Variants in BICRAL observed in about 807,000 individuals in gnomAD.
BICRAL encodes the protein BICRA like chromatin remodeling complex associated protein, also known as BRD4-interacting chromatin-remodeling complex-associated protein-like.
In BICRAL, 8 loss-of-function variants were observed where a neutral mutation model predicts 91.8. That is an observed-to-expected ratio of 0.09 (90% CI 0.05 to 0.16). The LOEUF is 0.16. Ranked by LOEUF, BICRAL falls within the 10% of genes least tolerant of loss-of-function variation. The pLI is 1.00. For missense variants in BICRAL, 1,038 were observed against 1,310.9 expected, an observed-to-expected ratio of 0.79 and a Z score of 3.21; for synonymous variants, 445 against 491.1, an observed-to-expected ratio of 0.91 and a Z score of 1.24.
chr6:42,864,357 A>G (rs1425431561), intron 12 of BICRAL, among the ~76,000 whole-genome samples: 1 of 152,112 alleles, frequency 6.6e-6, no homozygotes, highest in Non-Finnish European at 1.5e-5. Context: ...ATAAAATGAT[A>G]CTTAGAGATC....
At chr6:42,766,774 C>T (rs1762638758) in intron 1 of BICRAL, among the ~76,000 whole-genome samples, 1 of 151,976 alleles carries the variant, frequency 6.6e-6, no homozygotes, top group South Asian at 2.1e-4. Flanking sequence ...GGTGCCGTGG[C>T]TCACACCTGT....
intron 1 of BICRAL, among the ~76,000 whole-genome samples, chr6:42,790,954 T>A (rs1282878645): frequency 2.6e-5 from 4 of 151,690 alleles, no homozygotes; most frequent in Admixed American, 2.6e-4. Flanking sequence ...GGGTGTGGAT[T>A]TTAAAAGGAA....
At chr6:42,818,521 CTT>C (rs1472720642) in intron 2 of BICRAL, among the ~76,000 whole-genome samples, 1 of 151,930 alleles carries the variant, frequency 6.6e-6, no homozygotes, top group Admixed American at 6.6e-5. Flanking sequence ...TTGTTTTAGT[CTT>C]TGACTTTGCT....
intron 6 of BICRAL, among the ~76,000 whole-genome samples, chr6:42,843,917 G>A (rs1169322943): frequency 6.7e-6 from 1 of 149,166 alleles, no homozygotes; most frequent in Non-Finnish European, 1.5e-5. Context: ...TCCTGCCTCA[G>A]CCTCCTGAGT....
At chr6:42,773,136 T>C (rs1762759900) in intron 1 of BICRAL, among the ~76,000 whole-genome samples, 1 of 151,168 alleles carries the variant, frequency 6.6e-6, no homozygotes. Context: ...TGGAGTGCAA[T>C]GGCACGATCT....
chr6:42,790,558 CTT>C (rs1425434027), intron 1 of BICRAL, among the ~76,000 whole-genome samples: 3 of 149,596 alleles, frequency 2.0e-5, no homozygotes, highest in Admixed American at 6.7e-5. Flanking sequence ...TTTCTTTCCT[CTT>C]TGAGTCTGCT....
chr6:42,852,471 G>C (rs537996587), intron 7 of BICRAL: 1 of 550,390 alleles, frequency 1.8e-6, no homozygotes, highest in Non-Finnish European at 3.5e-6. Flanking sequence ...AGACCAGCCC[G>C]ACCAACATGA....
At position 42,868,056 on chromosome 6, in the gene BICRAL, AC is replaced by A. The variant is rs1393400157; in HGVS notation, c.*2611del. 1 of 150,068 alleles carries A rather than the reference AC, an allele frequency of 6.7e-6. No homozygotes were observed. The highest frequency in any genetic ancestry group is 1.5e-5 in the Non-Finnish European group (1 of 67,720). 9.3% of individuals were successfully genotyped at this position (150,068 alleles called of 1,614,324 possible). A position where few individuals can be genotyped will look rare whatever the true frequency, so the allele number is the denominator to read the frequency against. On this transcript the variant is annotated 3_prime_UTR_variant, in exon 13 of 13. Transcript: ENST00000314073. ...GTTTTAGAACTATTTGTACTCAGTA[AC>A]AAAAATCATTTTCTTTTTTTTTTTT...
chr6:42,829,142 G>A lies in BICRAL; in HGVS notation c.809G>A (p.Ser270Asn). The change falls in exon 6 of 13, where the codon AGT becomes AAT. Residue 270 changes from serine (S) to asparagine (N), a missense_variant. Transcript: ENST00000314073. ...GGCAACTCCTTGTTTGGGAACTCTA[G>A]TTCCAGTCCAGTAGCACAGCCTGTT... ...PNGNSLFGNS[S>N]SSPVAQPVTV... The A allele has an allele frequency of 6.2e-7, 1 of 1,614,102 alleles. No homozygotes were observed. Among genetic ancestry groups the A allele is most frequent in the Non-Finnish European group, 8.5e-7 (1 of 1,179,990 alleles).
rs1206542636 is a variant in BICRAL, at chr6:42,829,360, T to C, written c.1027T>C (p.Ser343Pro). The C allele has an allele frequency of 3.1e-6, 5 of 1,614,214 alleles. No homozygotes were observed. In the South Asian group the frequency reaches 4.4e-5, roughly 14 times the overall value. ...IQQHHVQQGI[S>P]FASASSPQGS... is the part of the protein sequence containing the mutation. ...GCAGCACCACGTACAACAAGGGATC[T>C]CTTTTGCTTCTGCAAGCTCACCCCA... The change falls in exon 6 of 13, where the codon TCT (serine) becomes CCT (proline). Residue 343 changes from serine to proline, a missense_variant. Ser to Pro is a moderately conservative substitution (Grantham distance 74, BLOSUM62 -1). Transcript: ENST00000314073.
At position 42,845,195 on chromosome 6, in the gene BICRAL, GTTTTTTTTTTTTTTTTTTTTTTTTTT is replaced by G. The variant is rs748804344; in HGVS notation, c.1840-6869_1840-6844del. ...CTTCTCTGTTTTTTGTTTTTTGGGT[GTTTTTTTTTTTTTTTTTTTTTTTTTT>G]TTTTTTTTTTTTTTTTTTTTTTTTT... On this transcript the variant is annotated intron_variant, in intron 6 of 12. Coordinates refer to ENST00000314073, the MANE Select transcript of BICRAL (RefSeq NM_001393499.1). Among the ~76,000 whole-genome samples the G allele has an allele frequency of 7.0e-3, 178 of 25,592 alleles. 1 individual carries two copies. The highest frequency in any genetic ancestry group is 0.022 in the South Asian group (12 of 556). The allele number at this position is 25,592 out of a possible 152,430, so 16.8% of individuals were successfully genotyped here.
At chr6:42,754,835 G>A (rs1325104500) in intron 1 of BICRAL, among the ~76,000 whole-genome samples, 1 of 152,192 alleles carries the variant, frequency 6.6e-6, no homozygotes, top group African/African-American at 2.4e-5. Context: ...AGTTGGGGCT[G>A]CAGTGAGCCA....
intron 1 of BICRAL, among the ~76,000 whole-genome samples, chr6:42,794,211 G>A (rs147440056): frequency 0.01 from 1,542 of 151,932 alleles, 14 homozygotes; most frequent in Non-Finnish European, 0.013. Flanking sequence ...GTCACATGAT[G>A]TACCTAGAAT....
chr6:42,757,504 G>A (rs1031885887), intron 1 of BICRAL, among the ~76,000 whole-genome samples: 2 of 152,038 alleles, frequency 1.3e-5, no homozygotes, highest in South Asian at 2.1e-4. Context: ...CACCTGCCTC[G>A]GCCTCCCATA....
chr6:42,846,344 G>A (rs1041288025), intron 6 of BICRAL, among the ~76,000 whole-genome samples: 1 of 151,828 alleles, frequency 6.6e-6, no homozygotes, highest in South Asian at 2.1e-4. Flanking sequence ...CTCCAGCCTC[G>A]GCGACAGAGC....
intron 2 of BICRAL, among the ~76,000 whole-genome samples, chr6:42,819,447 G>A (rs1048295431): frequency 6.6e-6 from 1 of 151,936 alleles, no homozygotes; most frequent in Non-Finnish European, 1.5e-5. Flanking sequence ...CACCATGCCT[G>A]GCTAATTTTT....
chr6:42,783,569 C>T (rs901314084), intron 1 of BICRAL, among the ~76,000 whole-genome samples: 1 of 152,012 alleles, frequency 6.6e-6, no homozygotes, highest in Non-Finnish European at 1.5e-5. Context: ...ACCAGGGCGC[C>T]GCGAGGCCCG....
Position 42,862,620 on chromosome 6 carries a change from A to G in BICRAL, c.2452+8A>G, listed in dbSNP as rs773369508. ...TGGCACTTGTAGACCCTGGTAAGAA[A>G]CATCGCAGTGAAAGTAGTGGATAGC... On this transcript the variant is annotated splice_region_variant and intron_variant, in intron 12 of 12. Coordinates refer to ENST00000314073, the MANE Select transcript of BICRAL (RefSeq NM_001393499.1). 5.9e-6 allele frequency: 9 copies of G among 1,523,672 alleles called. No individual in the cohort carries two copies. The East Asian group carries it at 2.0e-4, about 34-fold the overall frequency. 94.4% of individuals were successfully genotyped at this position (1,523,672 alleles called of 1,614,324 possible). A position where few individuals can be genotyped will look rare whatever the true frequency, so the allele number is the denominator to read the frequency against.
At chr6:42,822,748 T>C in intron 3 of BICRAL, 48 bp from the exon 4 acceptor site, 1 of 976,660 alleles carries the variant, frequency 1.0e-6, no homozygotes, top group Non-Finnish European at 1.6e-6. Flanking sequence ...TAAATATAGA[T>C]AGTATATTTG....
Sources: allele counts gnomAD v4.1 joint callset (sites outside exome capture counted in the v4.1 genomes callset), GRCh38; gene constraint gnomAD v4.1.1; transcripts MANE v1.5; gene names NCBI Gene and HGNC (gene_info 2026-07-23, HGNC 2026-07-21).